KIF5A: variants seen among roughly 807,000 people sequenced by gnomAD.
KIF5A encodes kinesin family member 5A.
Under a neutral mutation model 141.3 loss-of-function variants are expected in KIF5A, and 35 were observed. The observed-to-expected ratio is 0.25, with a 90% CI of 0.19 to 0.33. The LOEUF (loss-of-function observed/expected upper bound fraction) is 0.33. Among genes scored for constraint, KIF5A ranks in the 10% least tolerant of loss-of-function variants. The pLI, the probability that KIF5A is intolerant of heterozygous loss-of-function variation, is 1.00. For missense variants in KIF5A, 861 were observed against 1,314.3 expected, an observed-to-expected ratio of 0.66 and a Z score of 5.33; for synonymous variants, 448 against 500.2, an observed-to-expected ratio of 0.90 and a Z score of 1.39.
chr12:57,557,036 T>C (rs574745651), intron 1 of KIF5A, among the ~76,000 whole-genome samples: 2 of 152,232 alleles, frequency 1.3e-5, no homozygotes, highest in South Asian at 4.1e-4. Context: ...ATTCCACCCC[T>C]CATCAACTTG....
intron 23 of KIF5A, 84 bp downstream of exon 23, chr12:57,578,426 G>A (rs1337227483): frequency 1.1e-6 from 1 of 902,062 alleles, no homozygotes; most frequent in Non-Finnish European, 1.9e-6. Context: ...TTGGATTCAG[G>A]AAAATCTAGT....
At chr12:57,552,935 A>C (rs1881623999) in intron 1 of KIF5A, among the ~76,000 whole-genome samples, 1 of 151,924 alleles carries the variant, frequency 6.6e-6, no homozygotes, top group South Asian at 2.1e-4. Context: ...AGAGGGTAGG[A>C]GAATAAGCTG....
chr12:57,579,764 G>A (rs774348013), intron 23 of KIF5A, among the ~76,000 whole-genome samples: 17 of 152,124 alleles, frequency 1.1e-4, no homozygotes, highest in Non-Finnish European at 1.9e-4. Flanking sequence ...ACATGTGTGT[G>A]CTACTCTGGG....
rs766671105 is a variant in KIF5A at position 57,581,131 on chromosome 12, G to T, written c.2714G>T (p.Arg905Leu). The change falls in exon 24 of 29, where the codon CGC becomes CTC. Residue 905 changes from arginine to leucine, a missense_variant. Coordinates refer to ENST00000455537, the MANE Select transcript of KIF5A (RefSeq NM_004984.4). ...QEVDRIKEAV[R>L]YKSSGKRGHS... ...GTGGACCGCATCAAGGAGGCCGTTCGCTACAAGAGCTCGGGCAAACGGGGC... is the reference window on the plus strand; with the variant it reads ...GTGGACCGCATCAAGGAGGCCGTTCTCTACAAGAGCTCGGGCAAACGGGGC... 2 of 1,614,098 alleles carry T rather than the reference G, an allele frequency of 1.2e-6. No homozygotes were observed. The highest frequency in any genetic ancestry group is 4.5e-5 in the East Asian group (2 of 44,890).
chr12:57,554,276 G>A (rs1024096530), intron 1 of KIF5A, among the ~76,000 whole-genome samples: 9 of 152,130 alleles, frequency 5.9e-5, no homozygotes, highest in South Asian at 2.1e-4. Context: ...AGCCTGTTTC[G>A]TCATCTATAA....
At chr12:57,581,777 C>A in intron 25 of KIF5A, 93 bp from the exon 26 acceptor site, 3 of 1,321,320 alleles carry the variant, frequency 2.3e-6, no homozygotes, top group Non-Finnish European at 3.3e-6. Context: ...GAGGGCTGAG[C>A]AGCTCTATCA....
rs202045039 is a variant in KIF5A at position 57,575,216 on chromosome 12, C to T, written c.1849C>T (p.Arg617Cys). 6 of 1,613,724 alleles carry T rather than the reference C, an allele frequency of 3.7e-6. No homozygotes were observed. Among genetic ancestry groups the T allele is most frequent in the East Asian group, 2.2e-5 (1 of 44,884 alleles). ...QLENLQVECH[R>C]KMEVTGRELS... The stretch of plus-strand genomic sequence containing the variant: ...GGAGAACCTCCAGGTGGAGTGTCAC[C>T]GCAAGATGGAAGTGACCGGGCGGGA... Residue 617 changes from arginine (R) to cysteine (C), a missense_variant, in exon 16 of 29, where the codon CGC becomes TGC. By Grantham distance (180) the Arg-to-Cys change is radical. Around this residue, in one of 5 missense-constraint regions of KIF5A, gnomAD observed 482 missense variants for 661.3 expected, o/e 0.73. Coordinates refer to ENST00000455537, the MANE Select transcript of KIF5A (RefSeq NM_004984.4).
chr12:57,583,312 TCACCTCAAAAC>T, intron 28 of KIF5A, 97 bp downstream of exon 28: 1 of 710,066 alleles, frequency 1.4e-6, no homozygotes, highest in Non-Finnish European at 2.4e-6. Flanking sequence ...TTTTTTTTTA[TCACCTCAAAAC>T]TTTAATTATG....
chr12:57,575,227 A>G lies in KIF5A; in HGVS notation c.1860A>G (p.Glu620=), dbSNP rs1882385816. The G allele has an allele frequency of 6.2e-7, 1 of 1,613,904 alleles. No homozygotes were observed. Among genetic ancestry groups the G allele is most frequent in the South Asian group, 1.1e-5 (1 of 91,026 alleles). Reference sequence around the variant, plus strand: ...AGGTGGAGTGTCACCGCAAGATGGAAGTGACCGGGCGGGAGCTCTCATCCT... The same window carrying G: ...AGGTGGAGTGTCACCGCAAGATGGAGGTGACCGGGCGGGAGCTCTCATCCT... ...NLQVECHRKM[E]VTGRELSSCQ... The change falls in exon 16 of 29, where the codon GAA becomes GAG. Residue 620 remains glutamate, a synonymous_variant. Transcript: ENST00000455537.
chr12:57,578,262 A>G lies in KIF5A; in HGVS notation c.2458A>G (p.Ser820Gly), dbSNP rs766216492. Residue 820 changes from serine to glycine, a missense_variant, in exon 23 of 29, where the codon AGT (serine) becomes GGT (glycine). Ser to Gly is a moderately conservative substitution (Grantham distance 56, BLOSUM62 0). This residue lies in a region of KIF5A where 482 missense variants were observed against 661.3 expected (regional missense o/e 0.73). Coordinates refer to ENST00000455537, the MANE Select transcript of KIF5A (RefSeq NM_004984.4). ...GAGTGCAGAAATGGAGCCCGAAGAC[A>G]GTGGGGGGATTCACTCCCAAAAGCA... ...KKSAEMEPED[S>G]GGIHSQKQKI... 2 of 1,614,054 alleles carry G rather than the reference A, an allele frequency of 1.2e-6. No individual in the cohort carries two copies. The highest frequency in any genetic ancestry group is 2.2e-5 in the South Asian group (2 of 91,080).
In KIF5A at chr12:57,565,867, C is replaced by T. The variant is rs1882048484; in HGVS notation, c.501+894C>T. On this transcript the variant is annotated intron_variant, in intron 6 of 28. Transcript: ENST00000455537. Reference sequence around the variant, plus strand: ...CTCTAATTCCTGACCTCAGGTGATCCACCTGCCTCAGCCTCCCAAAGTGCT... The same window carrying T: ...CTCTAATTCCTGACCTCAGGTGATCTACCTGCCTCAGCCTCCCAAAGTGCT... 2.6e-5 allele frequency among the ~76,000 whole-genome samples: 4 copies of T among 151,470 alleles called. No homozygotes were observed. The South Asian group carries it at 8.3e-4, about 32-fold the overall frequency.
intron 7 of KIF5A, 128 bp from the exon 8 acceptor site, chr12:57,567,365 TG>T: frequency 9.6e-7 from 1 of 1,041,608 alleles, no homozygotes; most frequent in Non-Finnish European, 1.3e-6. Flanking sequence ...CTGGGAGATG[TG>T]GCAGCAGGGC....
At chr12:57,563,966 A>G in intron 3 of KIF5A, 142 bp from the exon 4 acceptor site, 1 of 733,268 alleles carries the variant, frequency 1.4e-6, no homozygotes, top group Non-Finnish European at 2.4e-6. Context: ...TTGCTCCTCT[A>G]AAAGGCAGAC....
chr12:57,581,224 C>T (rs1247408954), intron 24 of KIF5A, 52 bp downstream of exon 24: 3 of 1,561,442 alleles, frequency 1.9e-6, no homozygotes, highest in Non-Finnish European at 2.6e-6. Context: ...GCAAATTTAG[C>T]AAATTGCTAA....
In KIF5A at chr12:57,571,399, G is replaced by C. The variant is rs766360685; in HGVS notation, c.1362+10G>C. The C allele has an allele frequency of 9.9e-6, 16 of 1,613,476 alleles. No homozygotes were observed. Among genetic ancestry groups the C allele is most frequent in the Non-Finnish European group, 1.4e-5 (16 of 1,179,566 alleles). ...GCTGGACCAGGAAGAGGTAATAGGA[G>C]GGAGGGCAGGACATGAGAGGAAAGG... On this transcript the variant is annotated intron_variant, in intron 13 of 28. Transcript: ENST00000455537.
At chr12:57,559,900 T>C (rs1293583501) in intron 1 of KIF5A, among the ~76,000 whole-genome samples, 2 of 152,234 alleles carry the variant, frequency 1.3e-5, no homozygotes, top group African/African-American at 4.8e-5. Flanking sequence ...TTTATTTATT[T>C]ATTTTTTTTG....
chr12:57,584,218 T>C lies in KIF5A; in HGVS notation c.*37T>C, dbSNP rs1471597944. ...CACCCTCTTTCTCTTTCTTTCCCAG[T>C]TTCTAAGAGGGACTGAGGCCTCTTC... On this transcript the variant is annotated splice_region_variant and 3_prime_UTR_variant, in exon 29 of 29. Coordinates refer to ENST00000455537, the MANE Select transcript of KIF5A (RefSeq NM_004984.4). The C allele has an allele frequency of 6.6e-6, 1 of 152,598 alleles. No homozygotes were observed. The highest frequency in any genetic ancestry group is 1.5e-5 in the Non-Finnish European group (1 of 68,038). 9.5% of individuals were successfully genotyped at this position (152,598 alleles called of 1,614,324 possible). A position where few individuals can be genotyped will look rare whatever the true frequency, so the allele number is the denominator to read the frequency against.
chr12:57,581,088 C>T lies in KIF5A; in HGVS notation c.2671C>T (p.Arg891Cys), dbSNP rs1882580982. 1 of 1,614,130 alleles carries T rather than the reference C, an allele frequency of 6.2e-7. No individual in the cohort carries two copies. Among genetic ancestry groups the T allele is most frequent in the South Asian group, 1.1e-5 (1 of 91,076 alleles). Reference protein sequence around the residue: ...EAKEGAMKDKRRYQQEVDRIK... With the variant: ...EAKEGAMKDKCRYQQEVDRIK... ...CAAGGAGGGCGCCATGAAGGACAAGCGCCGGTACCAGCAGGAGGTGGACCG... is the reference window on the plus strand; with the variant it reads ...CAAGGAGGGCGCCATGAAGGACAAGTGCCGGTACCAGCAGGAGGTGGACCG... The change falls in exon 24 of 29, where the codon CGC (arginine) becomes TGC (cysteine). Residue 891 changes from arginine (R) to cysteine (C), a missense_variant. Arg to Cys is a radical substitution (Grantham distance 180, BLOSUM62 -3). Coordinates refer to ENST00000455537, the MANE Select transcript of KIF5A (RefSeq NM_004984.4).
intron 1 of KIF5A, among the ~76,000 whole-genome samples, chr12:57,562,223 CT>C (rs1433700568): frequency 6.6e-6 from 1 of 151,580 alleles, no homozygotes; most frequent in African/African-American, 2.4e-5. Context: ...CTTCACAGTT[CT>C]TTTTTTTTGA....
Sources: allele counts gnomAD v4.1 joint callset (sites outside exome capture counted in the v4.1 genomes callset), GRCh38; gene constraint gnomAD v4.1.1; regional missense constraint gnomAD v4.1.1; transcripts MANE v1.5; gene names NCBI Gene and HGNC (gene_info 2026-07-23, HGNC 2026-07-21).